The following CIITA variants were observed in gnomAD, a reference collection of about 807,000 sequenced individuals.
The protein encoded by CIITA is MHC class II transactivator.
In CIITA, 72 loss-of-function variants were observed where a neutral mutation model predicts 115.1. That is an observed-to-expected ratio of 0.63 (90% confidence interval 0.52 to 0.76). The LOEUF (loss-of-function observed/expected upper bound fraction) is 0.76. CIITA is among the 30% of genes least tolerant of loss of function. The pLI, the probability that CIITA is intolerant of heterozygous loss-of-function variation, is 0.00. For missense variants in CIITA, 1,617 were observed against 1,463.8 expected, an observed-to-expected ratio of 1.10 and a Z score of -1.71; for synonymous variants, 763 against 635.6, an observed-to-expected ratio of 1.20 and a Z score of -3.02.
chr16:10,905,314 T>C (rs1402060082), intron 10 of CIITA, among the ~76,000 whole-genome samples: 3 of 152,232 alleles, frequency 2.0e-5, no homozygotes, highest in African/African-American at 4.8e-5. Flanking sequence ...ATGTATAGCA[T>C]GCTCAGAATT....
rs759412177 is a variant in CIITA at position 10,895,403 on chromosome 16, A to G, written c.174A>G (p.Gly58=). The change falls in exon 2 of 20, where the codon GGA becomes GGG. Residue 58 remains glycine (G), a synonymous_variant. Transcript: ENST00000324288. ...YHFYDQMDLA[G]EEEIELYSEP... is the part of the protein sequence containing the mutation. Reference sequence around the variant, plus strand: ...TCTATGACCAGATGGACCTGGCTGGAGAAGAAGAGATTGAGCTCTACTCAG... The same window carrying G: ...TCTATGACCAGATGGACCTGGCTGGGGAAGAAGAGATTGAGCTCTACTCAG... The G allele has an allele frequency of 1.2e-6, 2 of 1,613,936 alleles. No homozygotes were observed. Among genetic ancestry groups the G allele is most frequent in the Non-Finnish European group, 1.7e-6 (2 of 1,180,012 alleles).
Position 10,877,300 on chromosome 16 carries a change from G to C in CIITA, c.-31G>C. ...CACGAGGAGGGGCTGCCAGACTCCG[G>C]GAGCTGCTGCCTGGCTGGGATTCCT... is the stretch of plus-strand genomic sequence containing the variant. On this transcript the variant is annotated 5_prime_UTR_variant, in exon 1 of 20. Coordinates refer to ENST00000324288, the MANE Select transcript of CIITA (RefSeq NM_000246.4). The C allele has an allele frequency of 6.2e-7, 1 of 1,608,788 alleles. No homozygotes were observed. The highest frequency in any genetic ancestry group is 1.1e-5 in the South Asian group (1 of 90,180).
chr16:10,889,302 G>C (rs988403707), intron 1 of CIITA, among the ~76,000 whole-genome samples: 1 of 152,204 alleles, frequency 6.6e-6, no homozygotes, highest in African/African-American at 2.4e-5. Flanking sequence ...TCTGGGGATA[G>C]AGGAAGGTCC....
At chr16:10,916,613 A>G (rs925463809) in intron 15 of CIITA, 154 bp downstream of exon 15, 2 of 709,796 alleles carry the variant, frequency 2.8e-6, no homozygotes, top group Non-Finnish European at 4.9e-6. Flanking sequence ...GCAGCCTTGA[A>G]CTCCTGGCCT....
intron 16 of CIITA, among the ~76,000 whole-genome samples, chr16:10,918,913 G>T (rs974410708): frequency 6.6e-6 from 1 of 152,120 alleles, no homozygotes; most frequent in Non-Finnish European, 1.5e-5. Flanking sequence ...CTTACATGCC[G>T]GTCAGTGTTT....
chr16:10,910,131 G>A, intron 12 of CIITA, 57 bp from the exon 13 acceptor site: 1 of 1,495,228 alleles, frequency 6.7e-7, no homozygotes, highest in Non-Finnish European at 9.3e-7. Flanking sequence ...GGGACCCATG[G>A]GTAAGGGCTC....
At position 10,906,566 on chromosome 16, in the gene CIITA, C is replaced by T. The variant is rs2039171330; in HGVS notation, c.1074C>T (p.Gly358=). 6.2e-7 allele frequency: 1 copy of T among 1,613,260 alleles called. No homozygotes were observed. The highest frequency in any genetic ancestry group is 1.7e-5 in the Admixed American group (1 of 60,006). Residue 358 remains glycine (G), a synonymous_variant, in exon 11 of 20, where the codon GGC becomes GGT. Coordinates refer to ENST00000324288, the MANE Select transcript of CIITA (RefSeq NM_000246.4). ...TYGAEPAGPD[G]ILVEVDLVQA... is the part of the protein sequence containing the mutation. ...GTGCCGAGCCCGCAGGCCCGGATGGCATCCTAGTGGAGGTGGATCTGGTGC... is the reference window on the plus strand; with the variant it reads ...GTGCCGAGCCCGCAGGCCCGGATGGTATCCTAGTGGAGGTGGATCTGGTGC...
downstream of CIITA, chr16:10,936,806 A>G (rs1016699078): frequency 6.6e-5 from 10 of 152,196 alleles, no homozygotes; most frequent in African/African-American, 2.4e-4. Flanking sequence ...CCACTTCCCC[A>G]TTCTGTGCCT....
chr16:10,921,660 A>G (rs2040278685), intron 16 of CIITA, among the ~76,000 whole-genome samples: 1 of 152,200 alleles, frequency 6.6e-6, no homozygotes, highest in Admixed American at 6.5e-5. Context: ...TGGGATTTGA[A>G]CTTGGGAAGT....
intron 3 of CIITA, among the ~76,000 whole-genome samples, chr16:10,898,442 G>T (rs2038359345): frequency 6.6e-6 from 1 of 151,862 alleles, no homozygotes; most frequent in Non-Finnish European, 1.5e-5. Context: ...GCTCTTCTTT[G>T]TAGCAGTAGA....
At position 10,898,902 on chromosome 16, in the gene CIITA, G is replaced by C. The variant is rs199476062; in HGVS notation, c.359-23G>C. The C allele has an allele frequency of 3.7e-5, 60 of 1,613,498 alleles. No individual in the cohort carries two copies. In the East Asian group the frequency reaches 1.3e-3, roughly 35 times the overall value. On this transcript the variant is annotated intron_variant, in intron 4 of 19. Transcript: ENST00000324288. ...GGGCTTTCATTGATTGTGTGAGTTGGTCTCTGGTTTTTCTCAAAGTAGAGC... is the reference window on the plus strand; with the variant it reads ...GGGCTTTCATTGATTGTGTGAGTTGCTCTCTGGTTTTTCTCAAAGTAGAGC...
rs1356603963 is a variant in CIITA at position 10,941,805 on chromosome 16, G to C, written n.931G>C. 4 of 1,613,616 alleles carry C rather than the reference G, an allele frequency of 2.5e-6. No homozygotes were observed. The highest frequency in any genetic ancestry group is 2.2e-5 in the East Asian group (1 of 44,890). On this transcript the variant is annotated non_coding_transcript_exon_variant, in exon 2 of 2. Coordinates refer to the CIITA transcript ENST00000573379. The surrounding 1 kb of genome is among the most constrained non-coding windows in gnomAD (Gnocchi z 6.4). Reference sequence around the variant, plus strand: ...GGTCGGAGAGCACGCCGAGGTCCACGAGCGCCTGGTCCATGTCCTCGGGCA... The same window carrying C: ...GGTCGGAGAGCACGCCGAGGTCCACCAGCGCCTGGTCCATGTCCTCGGGCA...
chr16:10,890,008 A>G (rs2037388047), intron 1 of CIITA, among the ~76,000 whole-genome samples: 1 of 152,198 alleles, frequency 6.6e-6, no homozygotes, highest in Non-Finnish European at 1.5e-5. Flanking sequence ...TTGGGAACTC[A>G]GATGGTGTGG....
intron 18 of CIITA, 80 bp downstream of exon 18, chr16:10,922,570 C>A: frequency 7.0e-7 from 1 of 1,428,822 alleles, no homozygotes; most frequent in South Asian, 1.2e-5. Flanking sequence ...GAGCTCAAAT[C>A]ATGCTCTTCC....
Position 10,908,053 on chromosome 16 carries a change from C to T in CIITA, c.2561C>T (p.Ala854Val), listed in dbSNP as rs775637567. ...CATGTACTGGGCAAGGCCTTGGAGGCGGCGGGCCAAGACTTCTCCCTGGAC... is the reference window on the plus strand; with the variant it reads ...CATGTACTGGGCAAGGCCTTGGAGGTGGCGGGCCAAGACTTCTCCCTGGAC... ...DAHVLGKALEAAGQDFSLDLR... is the reference protein window; with the variant it reads ...DAHVLGKALEVAGQDFSLDLR... The change falls in exon 11 of 20, where the codon GCG (alanine) becomes GTG (valine). Residue 854 changes from alanine (A) to valine (V), a missense_variant. Ala to Val is a moderately conservative substitution (Grantham distance 64). Transcript: ENST00000324288. The T allele has an allele frequency of 6.2e-6, 10 of 1,612,978 alleles. No homozygotes were observed. The highest frequency in any genetic ancestry group is 4.5e-5 in the East Asian group (2 of 44,860).
At position 10,868,289 on chromosome 16, in the gene CIITA, C is replaced by G. The variant is rs558532167; in HGVS notation, c.-21+1970C>G. ...CAGGGGTGACGCAACTTGCCCAGGT[C>G]CCCCAGGTGGGAAGCGGTGAAGACT... is the stretch of plus-strand genomic sequence containing the variant. On this transcript the variant is annotated intron_variant, in intron 1 of 5. Transcript: ENST00000636238. Among the ~76,000 whole-genome samples the G allele has an allele frequency of 1.8e-4, 26 of 148,562 alleles. 1 individual carries two copies. Among genetic ancestry groups the G allele is most frequent in the Admixed American group, 1.6e-3 (25 of 15,166 alleles).
intron 1 of CIITA, among the ~76,000 whole-genome samples, chr16:10,891,688 T>C (rs1397134300): frequency 6.6e-6 from 1 of 152,154 alleles, no homozygotes; most frequent in African/African-American, 2.4e-5. Flanking sequence ...GGCAAAGGTG[T>C]CTTTTCTCAC....
At chr16:10,896,018 C>G (rs1404187839) in intron 3 of CIITA, among the ~76,000 whole-genome samples, 1 of 152,150 alleles carries the variant, frequency 6.6e-6, no homozygotes, top group Non-Finnish European at 1.5e-5. Flanking sequence ...TCCTCCACCT[C>G]CATTTCTATA....
intron 1 of CIITA, chr16:10,888,434 C>T (rs1298677349): frequency 1.3e-5 from 2 of 152,324 alleles, no homozygotes; most frequent in African/African-American, 2.4e-5. Context: ...ATGCTGTTCC[C>T]AGAAGAGATG....
Sources: allele counts gnomAD v4.1 joint callset (sites outside exome capture counted in the v4.1 genomes callset), GRCh38; gene constraint gnomAD v4.1.1; non-coding constraint Gnocchi (gnomAD v3.1); transcripts MANE v1.5; gene names NCBI Gene and HGNC (gene_info 2026-07-23, HGNC 2026-07-21).